FAM120C: variants seen among roughly 807,000 people sequenced by gnomAD.
The protein encoded by FAM120C is constitutive coactivator of PPAR-gamma-like protein 2.
A neutral mutation model predicts 71.2 loss-of-function variants in FAM120C; 14 were observed. The ratio of observed to expected loss-of-function variants is 0.20; its 90% CI spans 0.13 to 0.31. The LOEUF (loss-of-function observed/expected upper bound fraction) is 0.31, where lower values mean the gene tolerates loss of function less well. Among genes scored for constraint, FAM120C ranks in the 10% least tolerant of loss-of-function variants. The probability of loss-of-function intolerance (pLI) is 1.00; values close to 1 mark genes in which losing one functional copy is unlikely to be tolerated. For missense variants in FAM120C, 500 were observed against 879.0 expected, an observed-to-expected ratio of 0.57 and a Z score of 5.45; for synonymous variants, 354 against 353.2, an observed-to-expected ratio of 1.00 and a Z score of -0.03.
Position 54,136,513 on chromosome X carries a change from C to T in FAM120C, c.1236G>A (p.Leu412=). 3 of 1,208,844 alleles carry T rather than the reference C, an allele frequency of 2.5e-6. No individual in the cohort carries two copies. The highest frequency in any genetic ancestry group is 3.4e-6 in the Non-Finnish European group (3 of 893,014). Reference sequence around the variant, plus strand: ...TACCTAGAAAGGAGGGACCCACTGGCAGCGAAGAGAGTTTGGTTGTGACTG... The same window carrying T: ...TACCTAGAAAGGAGGGACCCACTGGTAGCGAAGAGAGTTTGGTTGTGACTG... ...YYSVTTKLSS[L]PVGPSFLGFR... The change falls in exon 5 of 16, where the codon CTG becomes CTA. Residue 412 remains leucine, a synonymous_variant. Transcript: ENST00000375180.
At chrX:54,144,785 T>G (rs1188556822) in intron 4 of FAM120C, among the ~76,000 whole-genome samples, 35 of 111,886 alleles carry the variant, frequency 3.1e-4, no homozygotes, top group African/African-American at 1.0e-3. Flanking sequence ...AAGCTACCAA[T>G]GACTTTCTTC....
chrX:54,135,016 T>A lies in FAM120C; in HGVS notation c.1431A>T (p.Glu477Asp). 1 of 1,211,619 alleles carries A rather than the reference T, an allele frequency of 8.3e-7. No homozygotes were observed. Among genetic ancestry groups the A allele is most frequent in the Non-Finnish European group, 1.1e-6 (1 of 895,342 alleles). ...SLLFSSHALG[E>D]SHAFSEDPML... ...TGGGATCCTCAGAAAAAGCATGGGA[T>A]TCCCCCAAAGCATGGGAGGAGAAGA... is the stretch of plus-strand genomic sequence containing the variant. The change falls in exon 7 of 16, where the codon GAA (glutamate) becomes GAT (aspartate). Residue 477 changes from glutamate to aspartate, a missense_variant. Around this residue, in one of 11 missense-constraint regions of FAM120C, gnomAD observed 85 missense variants for 84.9 expected, o/e 1.00. Coordinates refer to ENST00000375180, the MANE Select transcript of FAM120C (RefSeq NM_017848.6).
intron 5 of FAM120C, among the ~76,000 whole-genome samples, chrX:54,136,061 C>T (rs1388307278): frequency 3.8e-5 from 4 of 106,579 alleles, no homozygotes; most frequent in East Asian, 3.0e-4. Flanking sequence ...TGCAATGGCG[C>T]GATCTTGGCT....
chrX:54,082,114 T>C (rs1243122508), intron 13 of FAM120C, among the ~76,000 whole-genome samples: 1 of 99,833 alleles, frequency 1.0e-5, no homozygotes, highest in Non-Finnish European at 2.0e-5. Flanking sequence ...ACCCAGGAGG[T>C]GGAGGTTGCA....
At chrX:54,114,707 G>T (rs1179335854) in intron 10 of FAM120C, among the ~76,000 whole-genome samples, 4 of 103,122 alleles carry the variant, frequency 3.9e-5, no homozygotes, top group African/African-American at 1.4e-4. Flanking sequence ...CCAAAGTGCT[G>T]GGGTTACAGG....
At chrX:54,081,190 A>G in intron 14 of FAM120C, 132 bp downstream of exon 14, 1 of 633,222 alleles carries the variant, frequency 1.6e-6, no homozygotes, top group Admixed American at 4.1e-5. Context: ...AGAAAGAAAG[A>G]AAAAAAGAAA....
rs782714168 is a variant in FAM120C at position 54,164,925 on chromosome X, T to G, written c.700-5309A>C. ...CACATCCTTGTCAACACTTATTTTT[T>G]TGTGTGTTTTTTTTAACAGTAGCCA... is the stretch of plus-strand genomic sequence containing the variant. On this transcript the variant is annotated intron_variant, in intron 1 of 15. Coordinates refer to ENST00000375180, the MANE Select transcript of FAM120C (RefSeq NM_017848.6). 3.7e-3 allele frequency among the ~76,000 whole-genome samples: 419 copies of G among 112,078 alleles called. 3 individuals carry two copies. Among genetic ancestry groups the G allele is most frequent in the South Asian group, 0.025 (67 of 2,684 alleles).
intron 10 of FAM120C, among the ~76,000 whole-genome samples, chrX:54,092,453 G>C (rs1464600519): frequency 4.6e-4 from 51 of 110,656 alleles, no homozygotes; most frequent in East Asian, 5.7e-4. Context: ...GCTGAGGCAG[G>C]ACAATCGCTT....
chrX:54,098,286 C>T (rs1416824191), intron 10 of FAM120C, among the ~76,000 whole-genome samples: 2 of 110,447 alleles, frequency 1.8e-5, no homozygotes, highest in South Asian at 3.8e-4. Context: ...GGTGATCCAC[C>T]CACCTCGGCC....
chrX:54,080,662 C>A (rs890692588), intron 14 of FAM120C, among the ~76,000 whole-genome samples: 1 of 110,133 alleles, frequency 9.1e-6, no homozygotes, highest in Non-Finnish European at 1.9e-5. Flanking sequence ...GAGTTTGAGA[C>A]CAGCCTGGCC....
intron 10 of FAM120C, among the ~76,000 whole-genome samples, chrX:54,101,772 T>A (rs1557124183): frequency 8.9e-6 from 1 of 111,822 alleles, no homozygotes; most frequent in African/African-American, 3.2e-5. Context: ...GCTCATCAGT[T>A]CCATCTGAAA....
chrX:54,131,525 G>A (rs1420973946), intron 9 of FAM120C, among the ~76,000 whole-genome samples: 2 of 106,321 alleles, frequency 1.9e-5, no homozygotes, highest in African/African-American at 3.5e-5. Context: ...CGCAACCTCC[G>A]CCTCCTGAGT....
chrX:54,147,316 CAAATAAATAAAT>C (rs781917984), intron 4 of FAM120C: 1 of 109,997 alleles, frequency 9.1e-6, no homozygotes, highest in Non-Finnish European at 1.9e-5. Context: ...GACCCCATCT[CAAATAAATAAAT>C]AAATAAATAA....
At chrX:54,102,076 C>A (rs2066885283) in intron 10 of FAM120C, among the ~76,000 whole-genome samples, 1 of 109,894 alleles carries the variant, frequency 9.1e-6, no homozygotes, top group African/African-American at 3.3e-5. Flanking sequence ...GCTCTGTCAC[C>A]CAGGCTGGAG....
chrX:54,182,677 G>C lies in FAM120C; in HGVS notation c.522C>G (p.Gly174=). The change falls in exon 1 of 16, where the codon GGC becomes GGG. Residue 174 remains glycine, a synonymous_variant. Transcript: ENST00000375180. Reference sequence around the variant, plus strand: ...ACTCGGCCAGCCGGTCCTTGCCCAGGCCCCCCGGGAACATGACCACGAGCT... The same window carrying C: ...ACTCGGCCAGCCGGTCCTTGCCCAGCCCCCCCGGGAACATGACCACGAGCT... ...GLELVVMFPG[G]LGKDRLAEWG... The C allele has an allele frequency of 8.3e-7, 1 of 1,209,319 alleles. No individual in the cohort carries two copies. The highest frequency in any genetic ancestry group is 1.1e-6 in the Non-Finnish European group (1 of 894,692).
chrX:54,150,817 C>T (rs951678125), intron 4 of FAM120C, among the ~76,000 whole-genome samples: 2 of 110,704 alleles, frequency 1.8e-5, no homozygotes, highest in South Asian at 7.7e-4. Flanking sequence ...GGCGCAATCT[C>T]GGCTCACTGC....
intron 10 of FAM120C, among the ~76,000 whole-genome samples, chrX:54,106,817 C>T (rs967465117): frequency 2.7e-5 from 3 of 112,021 alleles, no homozygotes; most frequent in Non-Finnish European, 3.8e-5. Flanking sequence ...CATCAGTGGT[C>T]ATTAGAGAAA....
chrX:54,131,435 ATTT>A (rs782721502), intron 9 of FAM120C, among the ~76,000 whole-genome samples: 3 of 95,945 alleles, frequency 3.1e-5, no homozygotes, highest in African/African-American at 3.9e-5. Context: ...TGCCCAGCTA[ATTT>A]TTTTTTTTTT....
chrX:54,182,903 G>A lies in FAM120C; in HGVS notation c.296C>T (p.Pro99Leu). ...HHFHHHGQAQ[P>L]GLHPPLPPPP... is the part of the protein sequence containing the mutation. ...CGGCGGCAGCGGAGGGTGCAGCCCG[G>A]GCTGCGCTTGGCCATGATGGTGGAA... The change falls in exon 1 of 16, where the codon CCC becomes CTC. Residue 99 changes from proline (P) to leucine (L), a missense_variant. By Grantham distance (98) the Pro-to-Leu change is moderately conservative. Coordinates refer to ENST00000375180, the MANE Select transcript of FAM120C (RefSeq NM_017848.6). 1 of 1,151,677 alleles carries A rather than the reference G, an allele frequency of 8.7e-7. No individual in the cohort carries two copies. Among genetic ancestry groups the A allele is most frequent in the Non-Finnish European group, 1.2e-6 (1 of 867,442 alleles). The allele number at this position is 1,151,677 out of a possible 1,213,427, so 94.9% of individuals were successfully genotyped here. A position where few individuals can be genotyped will look rare whatever the true frequency, so the allele number is the denominator to read the frequency against.
Sources: allele counts gnomAD v4.1 joint callset (sites outside exome capture counted in the v4.1 genomes callset), GRCh38; gene constraint gnomAD v4.1.1; regional missense constraint gnomAD v4.1.1; transcripts MANE v1.5; gene names NCBI Gene and HGNC (gene_info 2026-07-23, HGNC 2026-07-21).